The following MBOAT2 variants were observed in gnomAD, a reference collection of about 807,000 sequenced individuals.
The protein encoded by MBOAT2 is membrane-bound glycerophospholipid O-acyltransferase 2.
In MBOAT2, 28 loss-of-function variants were observed where a neutral mutation model predicts 63.4. The ratio of observed to expected loss-of-function variants is 0.44; its 90% CI spans 0.33 to 0.61. The LOEUF is 0.61. MBOAT2 is among the 20% of genes least tolerant of loss of function. The probability of loss-of-function intolerance (pLI) is 0.03; values close to 1 mark genes in which losing one functional copy is unlikely to be tolerated. For synonymous variants in MBOAT2, 211 were observed against 215.6 expected, an observed-to-expected ratio of 0.98 and a Z score of 0.19; for missense variants, 470 against 605.8, an observed-to-expected ratio of 0.78 and a Z score of 2.35.
At chr2:8,887,271 C>A (rs1192893047) in intron 5 of MBOAT2, among the ~76,000 whole-genome samples, 2 of 152,106 alleles carry the variant, frequency 1.3e-5, no homozygotes, top group Non-Finnish European at 2.9e-5. Context: ...CCTCCACCAC[C>A]CCCTCAAAAA....
At chr2:8,953,920 T>A (rs1669017957) in intron 2 of MBOAT2, among the ~76,000 whole-genome samples, 1 of 152,254 alleles carries the variant, frequency 6.6e-6, no homozygotes, top group Non-Finnish European at 1.5e-5. Context: ...TATCTGTCAT[T>A]TCTGAGTTTC....
In MBOAT2 at chr2:8,918,585, C is replaced by A. The variant is rs536243479; in HGVS notation, c.300-9869G>T. Among the ~76,000 whole-genome samples the A allele has an allele frequency of 3.8e-3, 579 of 152,160 alleles. 5 individuals carry two copies. The highest frequency in any genetic ancestry group is 6.4e-3 in the Non-Finnish European group (435 of 68,000). ...AAGAAAAAAGGCAGTATCTATGGTG[C>A]AATAAATAAATGGAGTGCAATAAAA... On this transcript the variant is annotated intron_variant, in intron 3 of 12. Coordinates refer to ENST00000305997, the MANE Select transcript of MBOAT2 (RefSeq NM_138799.4).
intron 3 of MBOAT2, among the ~76,000 whole-genome samples, chr2:8,939,581 ACAGT>A (rs1667904284): frequency 6.6e-6 from 1 of 152,182 alleles, no homozygotes; most frequent in South Asian, 2.1e-4. Flanking sequence ...GGTCAGAGAC[ACAGT>A]CAGGCCAAAG....
At chr2:8,887,011 AC>A (rs1162084634) in intron 5 of MBOAT2, among the ~76,000 whole-genome samples, 1 of 152,008 alleles carries the variant, frequency 6.6e-6, no homozygotes, top group East Asian at 1.9e-4. Flanking sequence ...CCAAGAAAAA[AC>A]CCTCCAAGCT....
intron 2 of MBOAT2, among the ~76,000 whole-genome samples, chr2:8,950,600 T>C (rs955361190): frequency 3.9e-5 from 6 of 152,140 alleles, no homozygotes; most frequent in African/African-American, 1.4e-4. Context: ...GCTAATTTTT[T>C]GTATTTTTAG....
chr2:8,961,316 C>T (rs781584530), intron 1 of MBOAT2, among the ~76,000 whole-genome samples: 9 of 152,242 alleles, frequency 5.9e-5, no homozygotes, highest in Non-Finnish European at 1.2e-4. Flanking sequence ...TGGTGCTCTA[C>T]ACTGTTAATC....
intron 1 of MBOAT2, among the ~76,000 whole-genome samples, chr2:8,994,979 C>T (rs1470410480): frequency 6.6e-6 from 1 of 152,228 alleles, no homozygotes; most frequent in African/African-American, 2.4e-5. Flanking sequence ...TAAATTCCAG[C>T]TCGCCACATA....
chr2:8,885,860 G>A (rs1024843322), intron 5 of MBOAT2, among the ~76,000 whole-genome samples: 1 of 152,154 alleles, frequency 6.6e-6, no homozygotes, highest in Non-Finnish European at 1.5e-5. Flanking sequence ...TAATTTATTT[G>A]GTTTCATCTA....
At chr2:8,972,863 G>C (rs1385670193) in intron 1 of MBOAT2, among the ~76,000 whole-genome samples, 1 of 152,108 alleles carries the variant, frequency 6.6e-6, no homozygotes, top group African/African-American at 2.4e-5. Flanking sequence ...AAAAAGTCAG[G>C]AAACAACAGG....
At chr2:8,925,028 A>G (rs1259955589) in intron 3 of MBOAT2, among the ~76,000 whole-genome samples, 1 of 152,202 alleles carries the variant, frequency 6.6e-6, no homozygotes, top group Non-Finnish European at 1.5e-5. Context: ...CTACCAATGT[A>G]ATGGCAGAAT....
intron 1 of MBOAT2, among the ~76,000 whole-genome samples, chr2:8,997,499 A>G (rs1290531430): frequency 6.6e-6 from 1 of 152,240 alleles, no homozygotes; most frequent in African/African-American, 2.4e-5. Flanking sequence ...ACCGAACCCA[A>G]GCCTTGTATT....
chr2:8,986,697 G>C (rs1045817754), intron 1 of MBOAT2, among the ~76,000 whole-genome samples: 1 of 152,174 alleles, frequency 6.6e-6, no homozygotes, highest in African/African-American at 2.4e-5. Context: ...ATTTGGAGAT[G>C]GGGCCTTTGG....
In MBOAT2 at chr2:8,855,531, C is replaced by G; in HGVS notation, c.*3148G>C. 6.6e-6 allele frequency: 1 copy of G among 152,206 alleles called. No homozygotes were observed. The highest frequency in any genetic ancestry group is 1.5e-5 in the Non-Finnish European group (1 of 68,042). The allele number at this position is 152,206 out of a possible 1,614,324, so 9.4% of individuals were successfully genotyped here. A position where few individuals can be genotyped will look rare whatever the true frequency, so the allele number is the denominator to read the frequency against. On this transcript the variant is annotated 3_prime_UTR_variant, in exon 13 of 13. Coordinates refer to ENST00000305997, the MANE Select transcript of MBOAT2 (RefSeq NM_138799.4). ...GAGACCAATAAATATATTTTTGAAG[C>G]AAATGGGCAGTAGTGGCTAATAAGA...
At chr2:8,884,053 T>C (rs1050209050) in intron 5 of MBOAT2, among the ~76,000 whole-genome samples, 10 of 146,910 alleles carry the variant, frequency 6.8e-5, no homozygotes, top group Non-Finnish European at 1.3e-4. Context: ...TGAAACCTTG[T>C]CTTTACTAAA....
chr2:8,957,174 A>C (rs1179490498), intron 2 of MBOAT2, among the ~76,000 whole-genome samples: 2 of 152,250 alleles, frequency 1.3e-5, no homozygotes, highest in Non-Finnish European at 2.9e-5. Flanking sequence ...AGTGATGGGC[A>C]TATGAGGGCT....
At chr2:8,872,963 G>A in intron 8 of MBOAT2, 145 bp downstream of exon 8, 1 of 564,906 alleles carries the variant, frequency 1.8e-6, no homozygotes, top group Non-Finnish European at 3.0e-6. Context: ...CATATGAGTT[G>A]CGAGGGCTGT....
At chr2:8,956,298 A>G in intron 2 of MBOAT2, among the ~76,000 whole-genome samples, 1 of 152,240 alleles carries the variant, frequency 6.6e-6, no homozygotes, top group East Asian at 1.9e-4. Flanking sequence ...GTTAGCAAAG[A>G]GTTATCTTAC....
intron 4 of MBOAT2, among the ~76,000 whole-genome samples, chr2:8,895,265 G>C (rs1664361587): frequency 6.6e-6 from 1 of 152,216 alleles, no homozygotes; most frequent in South Asian, 2.1e-4. Context: ...ACAGAGTGCT[G>C]ATTGGCCCAT....
intron 3 of MBOAT2, among the ~76,000 whole-genome samples, chr2:8,919,412 T>C (rs1179438675): frequency 5.3e-5 from 8 of 152,270 alleles, no homozygotes; most frequent in African/African-American, 1.9e-4. Flanking sequence ...ATTACATCCA[T>C]TCTAGTGGAT....
Sources: allele counts gnomAD v4.1 joint callset (sites outside exome capture counted in the v4.1 genomes callset), GRCh38; gene constraint gnomAD v4.1.1; transcripts MANE v1.5; gene names NCBI Gene and HGNC (gene_info 2026-07-23, HGNC 2026-07-21).